Variants in CAPRIN2 observed in about 807,000 individuals in gnomAD.
CAPRIN2 encodes the protein caprin-2.
In CAPRIN2, 66 loss-of-function variants were observed where a neutral mutation model predicts 130.4. That is an observed-to-expected ratio of 0.51 (90% CI 0.42 to 0.62). CAPRIN2 has a LOEUF of 0.62. Ranked by LOEUF, CAPRIN2 falls within the 20% of genes least tolerant of loss-of-function variation. The probability of loss-of-function intolerance (pLI) is 0.00; values close to 1 mark genes in which losing one functional copy is unlikely to be tolerated. For missense variants in CAPRIN2, 1,185 were observed against 1,246.6 expected (o/e 0.95, Z 0.74); for synonymous variants, 471 against 444.1 (o/e 1.06, Z -0.76).
At chr12:30,718,979 A>C in intron 12 of CAPRIN2, 100 bp downstream of exon 14, 2 of 1,367,134 alleles carry the variant, frequency 1.5e-6, no homozygotes, top group Non-Finnish European at 2.0e-6. Flanking sequence ...AATTTTACAA[A>C]AGGCAAACTT....
At chr12:30,743,388 T>A (rs2068424589) in intron 2 of CAPRIN2, among the ~76,000 whole-genome samples, 1 of 152,150 alleles carries the variant, frequency 6.6e-6, no homozygotes, top group African/African-American at 2.4e-5. Flanking sequence ...TCAACCTGGA[T>A]TCCGTTTCTA....
chr12:30,733,488 G>C, intron 5 of CAPRIN2, 141 bp downstream of exon 6: 3 of 633,098 alleles, frequency 4.7e-6, no homozygotes, highest in Non-Finnish European at 8.4e-6. Context: ...TAAACAAAGG[G>C]ATCATTCTCC....
chr12:30,751,226 C>G (rs1292029094), intron 1 of CAPRIN2, 93 bp from the exon 3 acceptor site: 7 of 978,728 alleles, frequency 7.2e-6, no homozygotes, highest in Non-Finnish European at 1.1e-5. Flanking sequence ...GAAACAAAGT[C>G]CTTGAAGTAA....
chr12:30,749,941 G>A (rs1384196620), intron 2 of CAPRIN2, among the ~76,000 whole-genome samples: 3 of 152,084 alleles, frequency 2.0e-5, no homozygotes, highest in African/African-American at 7.2e-5. Flanking sequence ...GCTACCATGG[G>A]AACAATCAAT....
Position 30,730,292 on chromosome 12 carries a change from TAAAA to T in CAPRIN2, c.1061-14_1061-11del. On this transcript the variant is annotated splice_polypyrimidine_tract_variant and intron_variant, in intron 6 of 16. Coordinates refer to ENST00000298892, the Ensembl canonical transcript of CAPRIN2. ...AATTCCATTAGAGACTCTGGGATGA[TAAAA>T]AGAATCTGAATAAATACTAGGTGAA... The T allele has an allele frequency of 6.3e-7, 1 of 1,599,224 alleles. No individual in the cohort carries two copies. The highest frequency in any genetic ancestry group is 8.6e-7 in the Non-Finnish European group (1 of 1,166,682).
chr12:30,729,718 T>G (rs975700613), intron 7 of CAPRIN2, among the ~76,000 whole-genome samples: 2 of 152,262 alleles, frequency 1.3e-5, no homozygotes, highest in Admixed American at 1.3e-4. Flanking sequence ...AGTTAAATTA[T>G]GTAACCTTAA....
intron 14 of CAPRIN2, 170 bp downstream of exon 16, chr12:30,714,789 C>A: frequency 2.2e-6 from 1 of 453,838 alleles, no homozygotes; most frequent in Non-Finnish European, 3.9e-6. Flanking sequence ...AAAATTAGTT[C>A]CTCTGTTATG....
At chr12:30,734,849 AACACACACACACACACAC>A (rs10557103) in intron 4 of CAPRIN2, 101 bp downstream of exon 5, 61 of 626,668 alleles carry the variant, frequency 9.7e-5, no homozygotes, top group Non-Finnish European at 1.3e-4. Flanking sequence ...CCCCCTCTCT[AACACACACACACACACAC>A]ACACACACAC....
intron 2 of CAPRIN2, 152 bp from the exon 4 acceptor site, chr12:30,741,258 G>C: frequency 4.4e-6 from 2 of 451,572 alleles, no homozygotes; most frequent in South Asian, 5.3e-5. Context: ...TGAAAAAGGA[G>C]AAAGAGTATT....
intron 14 of CAPRIN2, among the ~76,000 whole-genome samples, chr12:30,714,497 T>C (rs2056723778): frequency 6.6e-6 from 1 of 152,174 alleles, no homozygotes. Context: ...TAGAGTATTT[T>C]TGTTAATAAT....
chr12:30,735,835 C>T (rs904931144), intron 3 of CAPRIN2, among the ~76,000 whole-genome samples: 4 of 152,072 alleles, frequency 2.6e-5, no homozygotes, highest in Non-Finnish European at 4.4e-5. Context: ...TACAGAAAAT[C>T]AATGGAGCTT....
intron 8 of CAPRIN2, 94 bp downstream of exon 9, chr12:30,728,554 C>CAAA (rs11406794): frequency 2.7e-3 from 2,177 of 806,430 alleles, no homozygotes; most frequent in Non-Finnish European, 3.1e-3. Flanking sequence ...TTCTCCATCT[C>CAAA]AAAAAAAAAA....
chr12:30,730,371 T>C (rs1565625674), intron 6 of CAPRIN2, 89 bp from the exon 8 acceptor site: 3 of 906,866 alleles, frequency 3.3e-6, no homozygotes, highest in South Asian at 2.8e-5. Context: ...AGCAACATAT[T>C]TCAGAAGACT....
chr12:30,751,909 ATTT>A (rs574883707), intron 1 of CAPRIN2, among the ~76,000 whole-genome samples: 1,429 of 87,658 alleles, frequency 0.016, 3 homozygotes, highest in African/African-American at 0.05. Flanking sequence ...CCACTATGGT[ATTT>A]TTTTTTTTTT....
intron 8 of CAPRIN2, 85 bp downstream of exon 9, chr12:30,728,554 CAAAAAAAAA>C (rs11406794): frequency 1.4e-6 from 1 of 737,668 alleles, no homozygotes; most frequent in Non-Finnish European, 2.0e-6. Context: ...TTCTCCATCT[CAAAAAAAAA>C]AAAAAAAGAG....
chr12:30,728,558 A>AG, intron 8 of CAPRIN2, 90 bp downstream of exon 9: 4 of 1,089,206 alleles, frequency 3.7e-6, no homozygotes, highest in Non-Finnish European at 5.1e-6. Context: ...CCATCTCAAA[A>AG]AAAAAAAAAA....
At chr12:30,742,360 T>C (rs2067887859) in intron 2 of CAPRIN2, among the ~76,000 whole-genome samples, 1 of 151,834 alleles carries the variant, frequency 6.6e-6, no homozygotes, top group South Asian at 2.1e-4. Context: ...TGGAAAACAG[T>C]TCAGAATTTT....
At chr12:30,736,383 T>G (rs1407839321) in intron 3 of CAPRIN2, among the ~76,000 whole-genome samples, 1 of 144,742 alleles carries the variant, frequency 6.9e-6, no homozygotes, top group African/African-American at 2.7e-5. Context: ...CCGCAAGGTA[T>G]GAAGATTAAA....
exon 6 of CAPRIN2, chr12:30,731,419 T>G: frequency 6.2e-7 from 1 of 1,613,098 alleles, no homozygotes; most frequent in Non-Finnish European, 8.5e-7. Context: ...CCTCCAGTGG[T>G]ACTTCCTTTT....
Sources: gnomAD v4.1 joint callset for allele counts (sites outside exome capture counted in the v4.1 genomes callset) on GRCh38, gnomAD v4.1.1 for gene constraint, MANE v1.5 for transcripts, NCBI Gene and HGNC (gene_info 2026-07-23, HGNC 2026-07-21) for gene names.